Variants in MDFI observed in about 807,000 individuals in gnomAD.
MDFI encodes the protein inhibitor of MyoD family a.
MDFI carries 16 observed loss-of-function variants against 22.3 expected under a neutral mutation model. The observed-to-expected ratio is 0.72, with a 90% CI of 0.49 to 1.09. The LOEUF is 1.09. Among genes scored for constraint, MDFI ranks in the 50% least tolerant of loss-of-function variants. The probability of loss-of-function intolerance (pLI) is 0.00; values close to 1 mark genes in which losing one functional copy is unlikely to be tolerated. For missense variants in MDFI, 314 were observed against 326.1 expected (o/e 0.96, Z 0.29); for synonymous variants, 145 against 142.7 (o/e 1.02, Z -0.12).
chr6:41,650,573 C>CTTTT lies in MDFI; in HGVS notation c.484+745_484+748dup, dbSNP rs34897556. 2.5e-3 allele frequency among the ~76,000 whole-genome samples: 319 copies of CTTTT among 129,632 alleles called. 3 individuals are homozygous for CTTTT. Among genetic ancestry groups the CTTTT allele is most frequent in the South Asian group, 9.8e-3 (40 of 4,076 alleles). 85.0% of individuals were successfully genotyped at this position (129,632 alleles called of 152,430 possible). Reference sequence around the variant, plus strand: ...CAGATTCTGCCCAACAGTCTTTTTCCTTTTTTTTTTTTTTTTTTGAGATGG... The same window carrying CTTTT: ...CAGATTCTGCCCAACAGTCTTTTTCCTTTTTTTTTTTTTTTTTTTTTTGAGATGG... On this transcript the variant is annotated intron_variant, in intron 4 of 4. Coordinates refer to ENST00000230321, the MANE Select transcript of MDFI (RefSeq NM_005586.4).
chr6:41,653,685 C>T lies in MDFI; in HGVS notation c.*110C>T, dbSNP rs1475639406. 1 of 1,398,462 alleles carries T rather than the reference C, an allele frequency of 7.2e-7. No homozygotes were observed. The highest frequency in any genetic ancestry group is 1.3e-5 in the South Asian group (1 of 76,418). 86.6% of individuals were successfully genotyped at this position (1,398,462 alleles called of 1,614,324 possible). ...CACAAGGCTTGAGAAGCCCCCTCTC[C>T]CTGGTCCTCTCCTACCCACCCATGT... On this transcript the variant is annotated 3_prime_UTR_variant, in exon 5 of 5. Coordinates refer to ENST00000230321, the MANE Select transcript of MDFI (RefSeq NM_005586.4). The surrounding 1 kb of genome is among the most constrained non-coding windows in gnomAD (Gnocchi z 4.2).
chr6:41,653,394 C>T lies in MDFI; in HGVS notation c.560C>T (p.Ala187Val). ...CTGTGCAACATCGTCCTGGACTGCGCCACCTGTGGCTCCTGCAGCTCGGAG... is the reference window on the plus strand; with the variant it reads ...CTGTGCAACATCGTCCTGGACTGCGTCACCTGTGGCTCCTGCAGCTCGGAG... ...LTLCNIVLDC[A>V]TCGSCSSEDS... Residue 187 changes from alanine (A) to valine (V), a missense_variant, in exon 5 of 5, where the codon GCC becomes GTC. Coordinates refer to ENST00000230321, the MANE Select transcript of MDFI (RefSeq NM_005586.4). This position sits in a 1 kb window ranked among gnomAD's most constrained non-coding sequence, Gnocchi z 4.2. The T allele has an allele frequency of 1.2e-6, 2 of 1,611,236 alleles. No homozygotes were observed. The highest frequency in any genetic ancestry group is 1.7e-6 in the Non-Finnish European group (2 of 1,179,996).
rs1768043740 is a variant in MDFI at position 41,646,170 on chromosome 6, T to C, written c.121T>C (p.Ser41Pro). ...LLPGLEVVTG[S>P]THPAEAAPEE... ...TCCTGGGCTGGAGGTAGTAACAGGA[T>C]CCACTCACCCTGCGGAGGCAGCACC... Residue 41 changes from serine to proline, a missense_variant, in exon 3 of 5, where the codon TCC (serine) becomes CCC (proline). Transcript: ENST00000230321. 6.3e-7 allele frequency: 1 copy of C among 1,580,412 alleles called. No homozygotes were observed. The highest frequency in any genetic ancestry group is 1.4e-5 in the African/African-American group (1 of 73,426).
chr6:41,646,195 C>A lies in MDFI; in HGVS notation c.146C>A (p.Pro49Gln). The A allele has an allele frequency of 6.3e-7, 1 of 1,591,744 alleles. No homozygotes were observed. The highest frequency in any genetic ancestry group is 1.1e-5 in the South Asian group (1 of 87,634). Residue 49 changes from proline (P) to glutamine (Q), a missense_variant, in exon 3 of 5, where the codon CCA becomes CAA. Transcript: ENST00000230321. ...TGSTHPAEAA[P>Q]EEGSLEEAAT... Reference sequence around the variant, plus strand: ...TCCACTCACCCTGCGGAGGCAGCACCAGAGGAGGGCTCCCTGGAGGAGGCG... The same window carrying A: ...TCCACTCACCCTGCGGAGGCAGCACAAGAGGAGGGCTCCCTGGAGGAGGCG...
chr6:41,637,453 G>C (rs865803297), upstream of MDFI, among the ~76,000 whole-genome samples: 1 of 151,870 alleles, frequency 6.6e-6, no homozygotes, highest in African/African-American at 2.4e-5. This position sits in a 1 kb window ranked among gnomAD's most constrained non-coding sequence, Gnocchi z 6.8. Context: ...GCCCAGACGC[G>C]GCTCCTAGGC....
chr6:41,646,005 T>A, intron 2 of MDFI, 121 bp from the exon 3 acceptor site: 1 of 916,292 alleles, frequency 1.1e-6, no homozygotes, highest in Non-Finnish European at 1.6e-6. Context: ...GCTGCATAAC[T>A]GATGCAGACA....
chr6:41,640,844 G>A (rs905888205), intron 2 of MDFI, among the ~76,000 whole-genome samples: 5 of 150,634 alleles, frequency 3.3e-5, no homozygotes, highest in African/African-American at 9.7e-5. Context: ...TGAGAGCCCC[G>A]GGAGCCTGGC....
Position 41,653,494 on chromosome 6 carries a change from C to A in MDFI, c.660C>A (p.Cys220Ter). ...ADCDLPCDLDCGILDACCESA... is the reference protein window; with the variant it reads ...ADCDLPCDLD ...GCGACCTGCCCTGCGACCTGGACTGCGGCATCCTGGATGCCTGCTGCGAGT... is the reference window on the plus strand; with the variant it reads ...GCGACCTGCCCTGCGACCTGGACTGAGGCATCCTGGATGCCTGCTGCGAGT... The change falls in exon 5 of 5, where the codon TGC becomes TGA. Residue 220 changes from cysteine to a stop codon, truncating the protein, a stop_gained. Coordinates refer to ENST00000230321, the MANE Select transcript of MDFI (RefSeq NM_005586.4). LOFTEE classifies it high-confidence loss of function. The surrounding 1 kb of genome is among the most constrained non-coding windows in gnomAD (Gnocchi z 4.2). 6.2e-7 allele frequency: 1 copy of A among 1,603,048 alleles called. No individual in the cohort carries two copies.
chr6:41,653,403 G>C lies in MDFI; in HGVS notation c.569G>C (p.Gly190Ala). ...ATCGTCCTGGACTGCGCCACCTGTGGCTCCTGCAGCTCGGAGGACTCGTGC... is the reference window on the plus strand; with the variant it reads ...ATCGTCCTGGACTGCGCCACCTGTGCCTCCTGCAGCTCGGAGGACTCGTGC... Reference protein sequence around the residue: ...CNIVLDCATCGSCSSEDSCLC... With the variant: ...CNIVLDCATCASCSSEDSCLC... Residue 190 changes from glycine (G) to alanine (A), a missense_variant, in exon 5 of 5, where the codon GGC becomes GCC. Gly to Ala is a moderately conservative substitution (Grantham distance 60). Coordinates refer to ENST00000230321, the MANE Select transcript of MDFI (RefSeq NM_005586.4). The surrounding 1 kb of genome is among the most constrained non-coding windows in gnomAD (Gnocchi z 4.2). 1.2e-6 allele frequency: 2 copies of C among 1,610,030 alleles called. No homozygotes were observed. Among genetic ancestry groups the C allele is most frequent in the Non-Finnish European group, 1.7e-6 (2 of 1,179,982 alleles).
In MDFI at chr6:41,650,899, C is replaced by T. The variant is rs115357736; in HGVS notation, c.484+1056C>T. Among the ~76,000 whole-genome samples the T allele has an allele frequency of 6.1e-3, 933 of 152,110 alleles. 6 individuals carry two copies. The highest frequency in any genetic ancestry group is 0.021 in the African/African-American group (887 of 41,502). ...CCAACAGTCTTATTTATGAAGGAGCCATTTATTCATTTAAAATGTCCTGGC... is the reference window on the plus strand; with the variant it reads ...CCAACAGTCTTATTTATGAAGGAGCTATTTATTCATTTAAAATGTCCTGGC... On this transcript the variant is annotated intron_variant, in intron 4 of 4. Coordinates refer to ENST00000230321, the MANE Select transcript of MDFI (RefSeq NM_005586.4).
chr6:41,648,226 C>T (rs1449291663), intron 3 of MDFI, among the ~76,000 whole-genome samples: 1 of 152,158 alleles, frequency 6.6e-6, no homozygotes, highest in Non-Finnish European at 1.5e-5. Context: ...AGCTCCTAAT[C>T]TCTAACACTT....
At chr6:41,642,854 C>T (rs1486487201) in intron 2 of MDFI, among the ~76,000 whole-genome samples, 1 of 152,204 alleles carries the variant, frequency 6.6e-6, no homozygotes, top group Non-Finnish European at 1.5e-5. Context: ...GATCCAAGGT[C>T]ACCAGCCCTG....
chr6:41,640,341 C>T (rs113901610), intron 2 of MDFI, among the ~76,000 whole-genome samples: 6,903 of 152,230 alleles, frequency 0.045, 179 homozygotes, highest in Middle Eastern at 0.068. Flanking sequence ...TTGTTGAAGC[C>T]ATTCTCAGCT....
chr6:41,638,735 G>GC lies in MDFI; in HGVS notation c.-11-3dup. 6.4e-7 allele frequency: 1 copy of GC among 1,559,004 alleles called. No homozygotes were observed. The highest frequency in any genetic ancestry group is 1.4e-5 in the African/African-American group (1 of 74,000). On this transcript the variant is annotated splice_region_variant and splice_polypyrimidine_tract_variant and intron_variant, in intron 1 of 4. Coordinates refer to ENST00000230321, the MANE Select transcript of MDFI (RefSeq NM_005586.4). This position sits in a 1 kb window ranked among gnomAD's most constrained non-coding sequence, Gnocchi z 7.6. Reference sequence around the variant, plus strand: ...CGCCGCCCGCTGAGCCCTGTTTTCCGCAGGTCCGGGGCCGATGTACCAGGT... The same window carrying GC: ...CGCCGCCCGCTGAGCCCTGTTTTCCGCCAGGTCCGGGGCCGATGTACCAGGT...
chr6:41,648,016 C>T (rs1581838891), intron 3 of MDFI, among the ~76,000 whole-genome samples: 1 of 126,538 alleles, frequency 7.9e-6, no homozygotes, highest in African/African-American at 3.0e-5. Flanking sequence ...TGCACTCTGG[C>T]CTGGGCACGG....
intron 4 of MDFI, among the ~76,000 whole-genome samples, chr6:41,650,573 C>CTTT (rs34897556): frequency 0.21 from 27,063 of 129,432 alleles, 3,175 homozygotes; most frequent in South Asian, 0.26. Flanking sequence ...AGTCTTTTTC[C>CTTT]TTTTTTTTTT....
chr6:41,649,527 T>G (rs1768177856), intron 3 of MDFI, 92 bp from the exon 4 acceptor site: 2 of 1,199,772 alleles, frequency 1.7e-6, no homozygotes, highest in South Asian at 3.0e-5. Context: ...TTGGGGTATA[T>G]GTAAGAATGC....
intron 2 of MDFI, among the ~76,000 whole-genome samples, chr6:41,645,897 G>T (rs1257599044): frequency 6.6e-6 from 1 of 152,124 alleles, no homozygotes; most frequent in East Asian, 1.9e-4. Context: ...ATGCACACGT[G>T]CACACACTCA....
chr6:41,649,888 G>C (rs2073159), intron 4 of MDFI, 45 bp downstream of exon 4: 571,938 of 1,562,610 alleles, frequency 0.37, 108,649 homozygotes, highest in Admixed American at 0.61. Flanking sequence ...CTCCAAAGCC[G>C]GGTTCCTCGA....
Sources: allele counts gnomAD v4.1 joint callset (sites outside exome capture counted in the v4.1 genomes callset), GRCh38; gene constraint gnomAD v4.1.1; non-coding constraint Gnocchi (gnomAD v3.1); transcripts MANE v1.5; gene names NCBI Gene and HGNC (gene_info 2026-07-23, HGNC 2026-07-21).